OCA2: variants seen among roughly 807,000 people sequenced by gnomAD.
OCA2 encodes the protein P protein.
OCA2 carries 77 observed loss-of-function variants against 100.2 expected under a neutral mutation model. The ratio of observed to expected loss-of-function variants is 0.77; its 90% CI spans 0.64 to 0.93. The LOEUF (loss-of-function observed/expected upper bound fraction) is 0.93, where lower values mean the gene tolerates loss of function less well. Ranked by LOEUF, OCA2 falls within the 40% of genes least tolerant of loss-of-function variation. The pLI is 0.00. For missense variants in OCA2, 1,062 were observed against 1,089.1 expected, an observed-to-expected ratio of 0.98 and a Z score of 0.35; for synonymous variants, 432 against 439.2, an observed-to-expected ratio of 0.98 and a Z score of 0.21.
At chr15:27,735,378 A>G in the OCA2 span, among the ~76,000 whole-genome samples, 1 of 152,188 alleles carries the variant, frequency 6.6e-6, no homozygotes, top group Non-Finnish European at 1.5e-5. Context: ...ATAGGACAAC[A>G]TCAAAAGAGC....
intron 16 of OCA2, among the ~76,000 whole-genome samples, chr15:27,955,684 G>A (rs576151653): frequency 1.3e-5 from 2 of 151,406 alleles, no homozygotes; most frequent in South Asian, 2.1e-4. Context: ...TTTATCAATC[G>A]ATGATCACTT....
intron 12 of OCA2, 25 bp downstream of exon 12, chr15:27,986,562 T>G: frequency 7.1e-7 from 1 of 1,401,166 alleles, no homozygotes; most frequent in East Asian, 2.3e-5. Flanking sequence ...CAGGATAGAA[T>G]TATTAAATGC....
intron 19 of OCA2, among the ~76,000 whole-genome samples, chr15:27,877,401 G>A (rs1183405283): frequency 6.6e-6 from 1 of 151,642 alleles, no homozygotes; most frequent in East Asian, 1.9e-4. Context: ...TTGTCTAGGT[G>A]TTCTATCAAT....
At chr15:27,906,067 C>T (rs1283381629) in intron 19 of OCA2, among the ~76,000 whole-genome samples, 1 of 151,912 alleles carries the variant, frequency 6.6e-6, no homozygotes, top group Admixed American at 6.6e-5. Context: ...TTAATGGGTA[C>T]AAAAAATAGG....
chr15:27,762,738 T>A (rs2030941754), intron 23 of OCA2, among the ~76,000 whole-genome samples: 1 of 152,204 alleles, frequency 6.6e-6, no homozygotes, highest in East Asian at 1.9e-4. Flanking sequence ...TAAATCTCCC[T>A]TATGCCCAAC....
intron 2 of OCA2, among the ~76,000 whole-genome samples, chr15:28,040,819 A>G (rs2043179787): frequency 1.3e-5 from 2 of 152,216 alleles, no homozygotes; most frequent in Admixed American, 1.3e-4. Flanking sequence ...ACCTACAACC[A>G]GGAAAAAGAT....
chr15:28,086,104 C>G (rs1479628649), intron 1 of OCA2, among the ~76,000 whole-genome samples: 1 of 152,076 alleles, frequency 6.6e-6, no homozygotes, highest in African/African-American at 2.4e-5. Context: ...AGTTCCACCT[C>G]CTCCCTACAC....
chr15:28,081,933 C>G (rs763087420), intron 1 of OCA2, 38 bp from the exon 2 acceptor site: 16 of 1,500,916 alleles, frequency 1.1e-5, no homozygotes, highest in Non-Finnish European at 1.5e-5. Flanking sequence ...TCATGAAAGG[C>G]ACACTGAGAC....
chr15:28,070,572 C>T (rs1330890227), intron 2 of OCA2, among the ~76,000 whole-genome samples: 5,423 of 143,814 alleles, frequency 0.038, 56 homozygotes, highest in African/African-American at 0.14. Context: ...CCAGCCGCCC[C>T]GTCTGGGAGG....
At chr15:27,831,007 A>G (rs539037187) in intron 23 of OCA2, among the ~76,000 whole-genome samples, 27 of 152,300 alleles carry the variant, frequency 1.8e-4, no homozygotes, top group Admixed American at 8.5e-4. Context: ...AAAATGCAAT[A>G]AAATGGGTCT....
At chr15:28,042,180 A>G (rs765405514) in intron 2 of OCA2, among the ~76,000 whole-genome samples, 3 of 152,226 alleles carry the variant, frequency 2.0e-5, no homozygotes, top group Non-Finnish European at 4.4e-5. Flanking sequence ...AAATTTGCAC[A>G]GTAAATAAAT....
At chr15:27,897,168 C>T (rs561099252) in intron 19 of OCA2, among the ~76,000 whole-genome samples, 1 of 147,214 alleles carries the variant, frequency 6.8e-6, no homozygotes, top group Non-Finnish European at 1.5e-5. Context: ...CTAGCCTGGG[C>T]GACAGAGCAA....
chr15:27,846,097 TAG>T (rs1053752600), intron 22 of OCA2, among the ~76,000 whole-genome samples: 1 of 152,032 alleles, frequency 6.6e-6, no homozygotes, highest in African/African-American at 2.4e-5. Context: ...GGCCTTTCTG[TAG>T]ACAGCCATGC....
At position 27,845,041 on chromosome 15, in the gene OCA2, G is replaced by C; in HGVS notation, c.2350C>G (p.Leu784Val). The change falls in exon 23 of 24, where the codon CTG (leucine) becomes GTG (valine). Residue 784 changes from leucine (L) to valine (V), a missense_variant. By Grantham distance (32) the Leu-to-Val change is conservative (BLOSUM62 1). Coordinates refer to ENST00000354638, the MANE Select transcript of OCA2 (RefSeq NM_000275.3). ...FGACLGGNGT[L>V]IGASANVVCA... is the part of the protein sequence containing the mutation. ...ACGACGTTTGCCGACGCGCCAATCA[G>C]TGTCCCGTTACCTAAAGTCAAAATT... is the stretch of plus-strand genomic sequence containing the variant. 1 of 1,613,634 alleles carries C rather than the reference G, an allele frequency of 6.2e-7. No homozygotes were observed. The highest frequency in any genetic ancestry group is 8.5e-7 in the Non-Finnish European group (1 of 1,179,644).
At chr15:27,791,495 C>T (rs899589016) in intron 23 of OCA2, among the ~76,000 whole-genome samples, 2 of 152,004 alleles carry the variant, frequency 1.3e-5, no homozygotes, top group Non-Finnish European at 2.9e-5. Flanking sequence ...AGTGGTTGCT[C>T]GGGGGAAGGG....
intron 2 of OCA2, among the ~76,000 whole-genome samples, chr15:28,066,373 A>G (rs1416134098): frequency 1.3e-5 from 2 of 152,162 alleles, no homozygotes; most frequent in South Asian, 4.1e-4. Flanking sequence ...AGGGAGTTTC[A>G]AAGAAACCTA....
intron 15 of OCA2, among the ~76,000 whole-genome samples, chr15:27,960,546 A>C (rs1039158684): frequency 6.6e-6 from 1 of 152,074 alleles, no homozygotes; most frequent in African/African-American, 2.4e-5. Context: ...AACTACAGTC[A>C]CTTGCTATAA....
intron 23 of OCA2, among the ~76,000 whole-genome samples, chr15:27,795,516 T>G (rs2033291540): frequency 6.6e-6 from 1 of 152,180 alleles, no homozygotes; most frequent in Non-Finnish European, 1.5e-5. Context: ...GCAGGCAAGT[T>G]GGCACTACAA....
At chr15:27,887,174 C>T (rs2037258490) in intron 19 of OCA2, among the ~76,000 whole-genome samples, 1 of 152,222 alleles carries the variant, frequency 6.6e-6, no homozygotes, top group East Asian at 1.9e-4. Flanking sequence ...CCATGTTGAC[C>T]TGTAAGTCCA....
Sources: gnomAD v4.1 joint callset for allele counts (sites outside exome capture counted in the v4.1 genomes callset) on GRCh38, gnomAD v4.1.1 for gene constraint, MANE v1.5 for transcripts, NCBI Gene and HGNC (gene_info 2026-07-23, HGNC 2026-07-21) for gene names.